Variants in SLC39A10 observed in about 807,000 individuals in gnomAD.
SLC39A10 encodes solute carrier family 39 member 10, also known as zinc transporter ZIP10.
A neutral mutation model predicts 65.1 loss-of-function variants in SLC39A10; 13 were observed. That is an observed-to-expected ratio of 0.20 (90% confidence interval 0.13 to 0.32). SLC39A10 has a LOEUF of 0.32. Among genes scored for constraint, SLC39A10 ranks in the 10% least tolerant of loss-of-function variants. The pLI is 1.00. For synonymous variants in SLC39A10, 321 were observed against 342.2 expected (o/e 0.94, Z 0.68); for missense variants, 831 against 1,018.4 (o/e 0.82, Z 2.50).
intron 2 of SLC39A10, among the ~76,000 whole-genome samples, chr2:195,613,217 A>T (rs548812218): frequency 6.6e-6 from 1 of 152,174 alleles, no homozygotes; most frequent in East Asian, 1.9e-4. Context: ...CTACTGGGAA[A>T]ATATTTCTTT....
At chr2:195,658,741 A>C (rs1407519245) in intron 1 of SLC39A10, among the ~76,000 whole-genome samples, 1 of 152,146 alleles carries the variant, frequency 6.6e-6, no homozygotes, top group Non-Finnish European at 1.5e-5. Flanking sequence ...CTTTTTCTAG[A>C]TCTTGGATCC....
chr2:195,714,473 A>G (rs769326164), intron 6 of SLC39A10, among the ~76,000 whole-genome samples: 25 of 152,180 alleles, frequency 1.6e-4, no homozygotes, highest in Admixed American at 1.6e-3. Flanking sequence ...TATTAATACT[A>G]TATAAGATGC....
intron 2 of SLC39A10, among the ~76,000 whole-genome samples, chr2:195,632,290 CTTTTTT>C (rs202193660): frequency 1.6e-4 from 11 of 69,250 alleles, no homozygotes; most frequent in African/African-American, 3.1e-4. Context: ...ATTCTACTTC[CTTTTTT>C]TTTTTTTTTT....
At chr2:195,691,355 CT>C (rs1420012067) in intron 3 of SLC39A10, among the ~76,000 whole-genome samples, 13 of 152,066 alleles carry the variant, frequency 8.5e-5, no homozygotes, top group Non-Finnish European at 1.5e-4. Flanking sequence ...TGTATAATGA[CT>C]TTTTTTCCCC....
intron 1 of SLC39A10, among the ~76,000 whole-genome samples, chr2:195,673,869 T>TTTTA (rs1338057581): frequency 6.6e-6 from 1 of 152,204 alleles, no homozygotes; most frequent in East Asian, 1.9e-4. Flanking sequence ...ATATTAAATG[T>TTTTA]TTTATCATAT....
chr2:195,648,966 G>A (rs567366949), intron 2 of SLC39A10, among the ~76,000 whole-genome samples: 28 of 152,154 alleles, frequency 1.8e-4, no homozygotes, highest in Non-Finnish European at 3.2e-4. Context: ...AGCAACTGTC[G>A]TTGTAATTAA....
chr2:195,640,722 GT>G (rs991168916), intron 2 of SLC39A10, among the ~76,000 whole-genome samples: 9 of 152,136 alleles, frequency 5.9e-5, no homozygotes, highest in Non-Finnish European at 1.3e-4. Context: ...TCTTCTAGCA[GT>G]AAAGCAATTT....
chr2:195,708,672 A>C lies in SLC39A10; in HGVS notation c.1403A>C (p.Asp468Ala), dbSNP rs1314200867. The change falls in exon 5 of 10, where the codon GAT becomes GCT. Residue 468 changes from aspartate to alanine, a missense_variant. Physicochemically the swap from Asp to Ala is moderately radical, Grantham distance 126. This residue lies in a region of SLC39A10 where 230 missense variants were observed against 242.9 expected (regional missense o/e 0.95). Transcript: ENST00000359634. ...TATTAATAGTCTCAGGGTGGACATG[A>C]TCACAGTCACCAACATGCACATGGG... ...HLLPHSQGGHDHSHQHAHGHG... is the reference protein window; with the variant it reads ...HLLPHSQGGHAHSHQHAHGHG... 16 of 1,602,810 alleles carry C rather than the reference A, an allele frequency of 1.0e-5. No homozygotes were observed. In the Admixed American group the frequency reaches 2.7e-4, roughly 28 times the overall value.
At chr2:195,676,329 A>G (rs546729207) in intron 1 of SLC39A10, among the ~76,000 whole-genome samples, 2 of 150,778 alleles carry the variant, frequency 1.3e-5, no homozygotes, top group African/African-American at 4.9e-5. Flanking sequence ...AGCTGGGATT[A>G]TAGGCGCCTG....
At chr2:195,645,577 T>C (rs1688898092) in intron 2 of SLC39A10, among the ~76,000 whole-genome samples, 2 of 152,210 alleles carry the variant, frequency 1.3e-5, no homozygotes, top group Non-Finnish European at 2.9e-5. Context: ...AAACATTAAC[T>C]TCCCATTCCC....
In SLC39A10 at chr2:195,735,485, A is replaced by G. The variant is rs1162114196; in HGVS notation, c.*444A>G. 6.5e-6 allele frequency: 1 copy of G among 152,866 alleles called. No homozygotes were observed. The highest frequency in any genetic ancestry group is 2.1e-4 in the South Asian group (1 of 4,842). 9.5% of individuals were successfully genotyped at this position (152,866 alleles called of 1,614,324 possible). A position where few individuals can be genotyped will look rare whatever the true frequency, so the allele number is the denominator to read the frequency against. ...TTGTAGTGCTCTTTAATTCAGCTAC[A>G]TATATTCATGTGGTGATAGGGATCA... On this transcript the variant is annotated 3_prime_UTR_variant, in exon 10 of 10. Coordinates refer to ENST00000359634, the MANE Select transcript of SLC39A10 (RefSeq NM_020342.3).
intron 2 of SLC39A10, among the ~76,000 whole-genome samples, chr2:195,624,034 T>G (rs543561774): frequency 1.3e-5 from 2 of 151,878 alleles, no homozygotes; most frequent in South Asian, 4.2e-4. Flanking sequence ...GGAATAAAAT[T>G]AAGAGAAAGA....
chr2:195,685,774 T>A (rs1365419387), intron 3 of SLC39A10, among the ~76,000 whole-genome samples: 5 of 152,226 alleles, frequency 3.3e-5, no homozygotes, highest in Non-Finnish European at 7.3e-5. Flanking sequence ...ATTGAATTAA[T>A]CTGTTTTTGT....
intron 1 of SLC39A10, among the ~76,000 whole-genome samples, chr2:195,672,007 C>A (rs922734814): frequency 4.0e-5 from 6 of 151,780 alleles, no homozygotes; most frequent in African/African-American, 1.5e-4. Context: ...TAGTCATCTT[C>A]AACTGTTATT....
rs144528447 is a variant in SLC39A10, at chr2:195,701,107, C to T, written c.1217-5509C>T. On this transcript the variant is annotated intron_variant, in intron 3 of 9. Coordinates refer to ENST00000359634, the MANE Select transcript of SLC39A10 (RefSeq NM_020342.3). Reference sequence around the variant, plus strand: ...CCCTCCAGGTCCCATAGGCTCTGTTCGTTTTTAGTCAATATTTTTTCTTTC... The same window carrying T: ...CCCTCCAGGTCCCATAGGCTCTGTTTGTTTTTAGTCAATATTTTTTCTTTC... Among the ~76,000 whole-genome samples the T allele has an allele frequency of 1.5e-3, 194 of 132,488 alleles. 2 individuals carry two copies. Among genetic ancestry groups the T allele is most frequent in the African/African-American group, 5.3e-3 (188 of 35,182 alleles). The allele number at this position is 132,488 out of a possible 152,430, so 86.9% of individuals were successfully genotyped here.
intron 7 of SLC39A10, 128 bp from the exon 8 acceptor site, chr2:195,718,123 AG>A: frequency 1.6e-6 from 1 of 621,544 alleles, no homozygotes; most frequent in East Asian, 2.7e-5. Flanking sequence ...ATAGTGTGTA[AG>A]ATAAGTGAGT....
intron 3 of SLC39A10, among the ~76,000 whole-genome samples, chr2:195,684,863 C>A (rs1324701201): frequency 6.6e-6 from 1 of 152,066 alleles, no homozygotes; most frequent in Non-Finnish European, 1.5e-5. Context: ...AGAATTTTTT[C>A]TTTATAGTGA....
At chr2:195,645,076 A>G (rs6718093) in intron 2 of SLC39A10, among the ~76,000 whole-genome samples, 4,697 of 151,654 alleles carry the variant, frequency 0.031, 258 homozygotes, top group African/African-American at 0.11. Context: ...CGCCCGGCTA[A>G]TTTTGTATTT....
At chr2:195,696,988 T>C (rs1241857479) in intron 3 of SLC39A10, among the ~76,000 whole-genome samples, 1 of 152,160 alleles carries the variant, frequency 6.6e-6, no homozygotes, top group African/African-American at 2.4e-5. Flanking sequence ...GTTATTCATA[T>C]TAACTATTCA....
Sources: gnomAD v4.1 joint callset for allele counts (sites outside exome capture counted in the v4.1 genomes callset) on GRCh38, gnomAD v4.1.1 for gene constraint, gnomAD v4.1.1 regional missense constraint, MANE v1.5 for transcripts, NCBI Gene and HGNC (gene_info 2026-07-23, HGNC 2026-07-21) for gene names.